MRPS6: variants seen among roughly 807,000 people sequenced by gnomAD.
The protein encoded by MRPS6 is small ribosomal subunit protein bS6m.
In MRPS6, 6 loss-of-function variants were observed where a neutral mutation model predicts 13.1. The ratio of observed to expected loss-of-function variants is 0.46; its 90% CI spans 0.25 to 0.91. The LOEUF is 0.91. MRPS6 is among the 40% of genes least tolerant of loss of function. The pLI is 0.18. For missense variants in MRPS6, 164 were observed against 155.6 expected (o/e 1.05, Z -0.29); for synonymous variants, 61 against 56.5 (o/e 1.08, Z -0.36).
chr21:34,134,286 T>G (rs2123268699), intron 2 of MRPS6, among the ~76,000 whole-genome samples: 1 of 152,342 alleles, frequency 6.6e-6, no homozygotes, highest in Non-Finnish European at 1.5e-5. Flanking sequence ...TGAGCCCAAG[T>G]GGCAGTCTTG....
At chr21:34,121,915 T>A (rs1201228476) in intron 1 of MRPS6, among the ~76,000 whole-genome samples, 2 of 152,208 alleles carry the variant, frequency 1.3e-5, no homozygotes, top group African/African-American at 4.8e-5. Flanking sequence ...TGGAATCAGT[T>A]CTGAGCCCTG....
intron 1 of MRPS6, among the ~76,000 whole-genome samples, chr21:34,080,748 T>C (rs1373413312): frequency 6.6e-6 from 1 of 152,232 alleles, no homozygotes; most frequent in East Asian, 1.9e-4. Flanking sequence ...CTTTCATGTT[T>C]GTTCTGCTAT....
chr21:34,120,576 A>G (rs1980081856), intron 1 of MRPS6, among the ~76,000 whole-genome samples: 1 of 152,114 alleles, frequency 6.6e-6, no homozygotes, highest in African/African-American at 2.4e-5. Flanking sequence ...ATTAGCTTTA[A>G]TTTCTTCTAG....
chr21:34,120,211 C>T (rs1266452148), intron 1 of MRPS6, among the ~76,000 whole-genome samples: 1 of 152,164 alleles, frequency 6.6e-6, no homozygotes, highest in Non-Finnish European at 1.5e-5. Flanking sequence ...AGTATTTAGT[C>T]TTGGTAGGGG....
intron 1 of MRPS6, among the ~76,000 whole-genome samples, chr21:34,093,548 A>G (rs1267936874): frequency 1.4e-4 from 22 of 152,176 alleles, no homozygotes; most frequent in Admixed American, 1.4e-3. Flanking sequence ...TAGCTTTAGT[A>G]TAATTTATAG....
Position 34,096,100 on chromosome 21 carries a change from T to C in MRPS6, c.45+22355T>C, listed in dbSNP as rs139476452. 3.8e-4 allele frequency: 617 copies of C among 1,614,004 alleles called. No individual in the cohort carries two copies. The highest frequency in any genetic ancestry group is 1.6e-4 in the Middle Eastern group (1 of 6,084). On this transcript the variant is annotated intron_variant, in intron 1 of 2. Coordinates refer to ENST00000399312, the MANE Select transcript of MRPS6 (RefSeq NM_032476.4). This position sits in a 1 kb window ranked among gnomAD's most constrained non-coding sequence, Gnocchi z 5.9. ...GCTCATGCCAAAGGCTCTACTCTTA[T>C]GGCTGGCTTCTTAAAGCTCCTGCCA...
chr21:34,137,767 C>T (rs1980760693), intron 2 of MRPS6, among the ~76,000 whole-genome samples: 1 of 151,270 alleles, frequency 6.6e-6, no homozygotes, highest in Non-Finnish European at 1.5e-5. Context: ...TCACTTCTAT[C>T]CCTAGTTTGC....
In MRPS6 at chr21:34,139,299, C is replaced by T. The variant is rs1201187060; in HGVS notation, c.186-3109C>T. On this transcript the variant is annotated intron_variant, in intron 2 of 2. Coordinates refer to ENST00000399312, the MANE Select transcript of MRPS6 (RefSeq NM_032476.4). ...CATGTATACATATGTAACTAACCTG[C>T]ACATTGTGCACATGTACCCTAAAAC... 3.9e-4 allele frequency among the ~76,000 whole-genome samples: 59 copies of T among 151,786 alleles called. 1 individual carries two copies. The highest frequency in any genetic ancestry group is 3.9e-3 in the Admixed American group (59 of 15,248).
Position 34,083,186 on chromosome 21 carries a change from T to C in MRPS6, c.45+9441T>C, listed in dbSNP as rs564300894. Among the ~76,000 whole-genome samples, 6 of 152,360 alleles carry C rather than the reference T, an allele frequency of 3.9e-5. No individual in the cohort carries two copies. In the East Asian group the frequency reaches 1.2e-3, roughly 29 times the overall value. ...AGTGCAGTTATGGTAGCCGGGTTGC[T>C]GTGGATATAATCCAGTTTGAGAAAA... On this transcript the variant is annotated intron_variant, in intron 1 of 2. Transcript: ENST00000399312.
chr21:34,093,715 A>T (rs1602925778), intron 1 of MRPS6, among the ~76,000 whole-genome samples: 1 of 152,250 alleles, frequency 6.6e-6, no homozygotes, highest in African/African-American at 2.4e-5. Context: ...TGTCAGCTGC[A>T]ATTACAATTA....
chr21:34,131,748 C>G (rs1241397503), intron 2 of MRPS6, among the ~76,000 whole-genome samples: 1 of 152,156 alleles, frequency 6.6e-6, no homozygotes, highest in Non-Finnish European at 1.5e-5. Flanking sequence ...CATTCTCAGT[C>G]CTTAGGTCAT....
chr21:34,106,716 A>G (rs1979490617), intron 1 of MRPS6, among the ~76,000 whole-genome samples: 1 of 152,144 alleles, frequency 6.6e-6, no homozygotes, highest in Non-Finnish European at 1.5e-5. Context: ...TTGCGTGTAT[A>G]TTTCTTAAGA....
chr21:34,116,962 C>T (rs757366347), intron 1 of MRPS6, among the ~76,000 whole-genome samples: 7 of 152,312 alleles, frequency 4.6e-5, no homozygotes, highest in Middle Eastern at 3.4e-3. Context: ...CCCTGGGGCT[C>T]TGCAGAACCT....
chr21:34,100,720 C>G (rs1979198223), intron 1 of MRPS6: 1 of 999,946 alleles, frequency 1.0e-6, no homozygotes, highest in South Asian at 4.7e-5. Context: ...GGGGTTAACT[C>G]TTGTGAGAGC....
intron 2 of MRPS6, among the ~76,000 whole-genome samples, chr21:34,130,567 A>G (rs929158775): frequency 6.6e-6 from 1 of 152,146 alleles, no homozygotes; most frequent in African/African-American, 2.4e-5. Flanking sequence ...TCAGATCTCT[A>G]GAGGGTTTGG....
At chr21:34,093,466 C>T (rs1978810462) in intron 1 of MRPS6, among the ~76,000 whole-genome samples, 1 of 152,012 alleles carries the variant, frequency 6.6e-6, no homozygotes, top group Admixed American at 6.6e-5. Flanking sequence ...ATGTTTAGCT[C>T]CTTTTGTCAG....
chr21:34,083,055 A>G (rs899845725), intron 1 of MRPS6, among the ~76,000 whole-genome samples: 6 of 152,204 alleles, frequency 3.9e-5, no homozygotes, highest in African/African-American at 4.8e-5. Context: ...CCCAGAATCG[A>G]GAATTCCTGG....
chr21:34,083,157 A>AC (rs1602908917), intron 1 of MRPS6, among the ~76,000 whole-genome samples: 2 of 152,200 alleles, frequency 1.3e-5, no homozygotes, highest in Admixed American at 1.3e-4. Flanking sequence ...AGGTGAAGAA[A>AC]CCAAGTGCAG....
chr21:34,092,841 A>G (rs1168844289), intron 1 of MRPS6, among the ~76,000 whole-genome samples: 4 of 152,118 alleles, frequency 2.6e-5, no homozygotes, highest in African/African-American at 4.8e-5. Context: ...CGTGGTTGCT[A>G]CTGCCATTGG....
Sources: allele counts gnomAD v4.1 joint callset (sites outside exome capture counted in the v4.1 genomes callset), GRCh38; gene constraint gnomAD v4.1.1; non-coding constraint Gnocchi (gnomAD v3.1); transcripts MANE v1.5; gene names NCBI Gene and HGNC (gene_info 2026-07-23, HGNC 2026-07-21).